SRSF4: variants seen among roughly 807,000 people sequenced by gnomAD.
The protein encoded by SRSF4 is serine and arginine rich splicing factor 4.
In SRSF4, 12 loss-of-function variants were observed where a neutral mutation model predicts 48.8. The ratio of observed to expected loss-of-function variants is 0.25; its 90% CI spans 0.16 to 0.40. The LOEUF (loss-of-function observed/expected upper bound fraction) is 0.40, where lower values mean the gene tolerates loss of function less well. Ranked by LOEUF, SRSF4 falls within the 10% of genes least tolerant of loss-of-function variation. SRSF4 has a pLI of 1.00. For missense variants in SRSF4, 466 were observed against 667.1 expected (o/e 0.70, Z 3.32); for synonymous variants, 248 against 232.5 (o/e 1.07, Z -0.61).
chr1:29,175,101 GATT>G (rs1672818657), intron 1 of SRSF4, among the ~76,000 whole-genome samples: 1 of 148,850 alleles, frequency 6.7e-6, no homozygotes, highest in Non-Finnish European at 1.5e-5. Context: ...TACATCTTTG[GATT>G]ATTTTGGTCC....
Position 29,181,827 on chromosome 1 carries a change from G to A in SRSF4, c.-75C>T, listed in dbSNP as rs1336412939. 1 of 1,268,414 alleles carries A rather than the reference G, an allele frequency of 7.9e-7. No individual in the cohort carries two copies. Among genetic ancestry groups the A allele is most frequent in the South Asian group, 1.9e-5 (1 of 53,518 alleles). The allele number at this position is 1,268,414 out of a possible 1,614,324, so 78.6% of individuals were successfully genotyped here. On this transcript the variant is annotated 5_prime_UTR_variant, in exon 1 of 6. Transcript: ENST00000373795. ...GCGGCGGGCAAAGCGAGAGCACGGC[G>A]GCAGCGGCGGCGGCGGCAACGGGCG...
intron 4 of SRSF4, 57 bp downstream of exon 4, chr1:29,154,639 A>G: frequency 6.6e-7 from 1 of 1,504,978 alleles, no homozygotes; most frequent in Non-Finnish European, 9.1e-7. Context: ...TAAATTATCT[A>G]TGTGCTCACT....
intron 3 of SRSF4, among the ~76,000 whole-genome samples, chr1:29,157,881 T>C (rs984679315): frequency 3.9e-5 from 6 of 152,134 alleles, no homozygotes; most frequent in Admixed American, 3.9e-4. Context: ...CTGTTGTCAA[T>C]AAGTGGGGCC....
In SRSF4 at chr1:29,149,198, G is replaced by A. The variant is rs780093782; in HGVS notation, c.697C>T (p.Arg233Trp). ...CGGCTCCGACTCTGGCTCCGGCTCC[G>A]GCTCTTGCTCCGGGAGCGGGAGCCC... ...RSGSRSRSKS[R>W]SRSQSRSRSK... Residue 233 changes from arginine to tryptophan, a missense_variant, in exon 6 of 6, where the codon CGG becomes TGG. Arg to Trp is a moderately radical substitution (Grantham distance 101, BLOSUM62 -3). This residue lies in a region of SRSF4 where 402 missense variants were observed against 437.0 expected (regional missense o/e 0.92). Transcript: ENST00000373795. 1.1e-5 allele frequency: 17 copies of A among 1,609,382 alleles called. No homozygotes were observed. The highest frequency in any genetic ancestry group is 1.3e-5 in the Non-Finnish European group (15 of 1,179,912).
chr1:29,159,222 A>C, intron 3 of SRSF4, 152 bp downstream of exon 3: 1 of 546,990 alleles, frequency 1.8e-6, no homozygotes, highest in Non-Finnish European at 3.3e-6. Flanking sequence ...TATATTTTGT[A>C]CTCATATGGC....
intron 1 of SRSF4, among the ~76,000 whole-genome samples, chr1:29,175,552 G>A (rs403807): frequency 3.3e-5 from 5 of 149,824 alleles, no homozygotes; most frequent in African/African-American, 4.9e-5. Flanking sequence ...AAAATTAGCC[G>A]GGAGCGGTGG....
chr1:29,150,937 A>G (rs1672399529), intron 4 of SRSF4, among the ~76,000 whole-genome samples: 1 of 152,168 alleles, frequency 6.6e-6, no homozygotes, highest in Non-Finnish European at 1.5e-5. Context: ...CTTTCTGTGT[A>G]TACTTTTCCC....
At chr1:29,180,368 C>A (rs1157531201) in intron 1 of SRSF4, among the ~76,000 whole-genome samples, 1 of 152,150 alleles carries the variant, frequency 6.6e-6, no homozygotes, top group Non-Finnish European at 1.5e-5. Context: ...GTTTTTAAAG[C>A]CTTTTACTGT....
intron 1 of SRSF4, among the ~76,000 whole-genome samples, chr1:29,163,984 AAAGCATGAC>A (rs1198452471): frequency 6.6e-6 from 1 of 152,228 alleles, no homozygotes; most frequent in Non-Finnish European, 1.5e-5. Context: ...ACTAACATCA[AAAGCATGAC>A]AGGTTAAGTG....
At chr1:29,172,205 T>TA (rs1325305677) in intron 1 of SRSF4, 3 of 152,230 alleles carry the variant, frequency 2.0e-5, no homozygotes, top group Admixed American at 6.5e-5. Flanking sequence ...AATGACAGAA[T>TA]GCTACTTAAT....
intron 1 of SRSF4, among the ~76,000 whole-genome samples, chr1:29,178,704 A>G (rs1672908876): frequency 6.6e-6 from 1 of 152,192 alleles, no homozygotes; most frequent in Non-Finnish European, 1.5e-5. Flanking sequence ...GCTTCCCAGT[A>G]GGGAGATCCA....
rs766958015 is a variant in SRSF4, at chr1:29,148,898, G to A, written c.997C>T (p.Arg333Trp). The change falls in exon 6 of 6, where the codon CGG (arginine) becomes TGG (tryptophan). Residue 333 changes from arginine to tryptophan, a missense_variant. This residue lies in a region of SRSF4 where 402 missense variants were observed against 437.0 expected (regional missense o/e 0.92). Coordinates refer to ENST00000373795, the MANE Select transcript of SRSF4 (RefSeq NM_005626.5). Reference protein sequence around the residue: ...QEKSLRQSRSRSRSKGGSRSR... With the variant: ...QEKSLRQSRSWSRSKGGSRSR... ...CTGCTGCCCCCTTTGCTCCTGCTCC[G>A]GCTCCGACTCTGGCGGAGGCTCTTC... 9.3e-6 allele frequency: 15 copies of A among 1,608,440 alleles called. No homozygotes were observed. The highest frequency in any genetic ancestry group is 8.4e-5 in the Admixed American group (5 of 59,490).
At chr1:29,175,522 C>T (rs1163015851) in intron 1 of SRSF4, among the ~76,000 whole-genome samples, 3 of 148,988 alleles carry the variant, frequency 2.0e-5, no homozygotes, top group Non-Finnish European at 4.5e-5. Flanking sequence ...AGTGAAACCC[C>T]GTCTCTACTA....
chr1:29,173,756 G>C (rs1379855859), intron 1 of SRSF4, among the ~76,000 whole-genome samples: 1 of 151,522 alleles, frequency 6.6e-6, no homozygotes, highest in Non-Finnish European at 1.5e-5. Context: ...GGTCCAAAAA[G>C]TTCTTGAATT....
intron 3 of SRSF4, among the ~76,000 whole-genome samples, chr1:29,156,273 G>A (rs1030127044): frequency 1.2e-4 from 18 of 150,756 alleles, no homozygotes; most frequent in African/African-American, 4.2e-4. Context: ...AAAATCGCTT[G>A]AACCCAGGAG....
Position 29,152,415 on chromosome 1 carries a change from A to G in SRSF4, c.579-2223T>C, listed in dbSNP as rs1231813634. On this transcript the variant is annotated intron_variant, in intron 4 of 5. Coordinates refer to ENST00000373795, the MANE Select transcript of SRSF4 (RefSeq NM_005626.5). Reference sequence around the variant, plus strand: ...TTCAAATTTTCCATAATAAAAAGTCAAAAGACCTAAATAACAAAACCTGAA... The same window carrying G: ...TTCAAATTTTCCATAATAAAAAGTCGAAAGACCTAAATAACAAAACCTGAA... 4.6e-5 allele frequency among the ~76,000 whole-genome samples: 7 copies of G among 152,290 alleles called. No individual in the cohort carries two copies. The South Asian group carries it at 1.0e-3, about 23-fold the overall frequency.
chr1:29,159,650 A>G (rs1292109434), intron 2 of SRSF4, 164 bp from the exon 3 acceptor site: 1 of 465,996 alleles, frequency 2.1e-6, no homozygotes, highest in African/African-American at 2.0e-5. Context: ...TTAAAGAAGC[A>G]ATCAGCTAAA....
intron 2 of SRSF4, chr1:29,159,746 T>C: frequency 7.2e-6 from 2 of 277,856 alleles, no homozygotes; most frequent in Non-Finnish European, 1.3e-5. Flanking sequence ...TTAAAACTAT[T>C]AACAATTTAA....
rs537034509 is a variant in SRSF4 at position 29,157,740 on chromosome 1, G to A, written c.363+1634C>T. ...ACACTTCACTCATTTGGCTAGAGAT[G>A]ACTTGTTTAAATATGGCCAAAAAAA... On this transcript the variant is annotated intron_variant, in intron 3 of 5. Transcript: ENST00000373795. 2.0e-5 allele frequency among the ~76,000 whole-genome samples: 3 copies of A among 152,266 alleles called. No individual in the cohort carries two copies. In the South Asian group the frequency reaches 6.2e-4, roughly 32 times the overall value.
Sources: allele counts gnomAD v4.1 joint callset (sites outside exome capture counted in the v4.1 genomes callset), GRCh38; gene constraint gnomAD v4.1.1; regional missense constraint gnomAD v4.1.1; transcripts MANE v1.5; gene names NCBI Gene and HGNC (gene_info 2026-07-23, HGNC 2026-07-21).